CD247: variants seen among roughly 807,000 people sequenced by gnomAD.
The protein encoded by CD247 is T-cell surface glycoprotein CD3 zeta chain.
Under a neutral mutation model 30.0 loss-of-function variants are expected in CD247, and 13 were observed. The observed-to-expected ratio is 0.43, with a 90% CI of 0.28 to 0.69. The LOEUF is 0.69. CD247 is among the 30% of genes least tolerant of loss of function. CD247 has a pLI of 0.16. For missense variants in CD247, 193 were observed against 212.6 expected, an observed-to-expected ratio of 0.91 and a Z score of 0.57; for synonymous variants, 72 against 80.0, an observed-to-expected ratio of 0.90 and a Z score of 0.53.
At chr1:167,463,689 A>G (rs757226409) in intron 1 of CD247, among the ~76,000 whole-genome samples, 3 of 152,202 alleles carry the variant, frequency 2.0e-5, no homozygotes, top group Non-Finnish European at 4.4e-5. Flanking sequence ...AACTTTGAAC[A>G]TTCAAGAAAA....
intron 1 of CD247, among the ~76,000 whole-genome samples, chr1:167,492,984 T>G (rs1338140155): frequency 2.6e-5 from 4 of 152,052 alleles, no homozygotes. Context: ...GCCCTCAAAT[T>G]TTTCCTGCCT....
At chr1:167,516,756 G>A (rs1453785099) in intron 1 of CD247, among the ~76,000 whole-genome samples, 2 of 152,186 alleles carry the variant, frequency 1.3e-5, no homozygotes, top group Non-Finnish European at 2.9e-5. Flanking sequence ...TCCAGCCAAT[G>A]TGCAGTTTTC....
chr1:167,508,966 C>T (rs1187739540), intron 1 of CD247, among the ~76,000 whole-genome samples: 1 of 152,178 alleles, frequency 6.6e-6, no homozygotes, highest in East Asian at 1.9e-4. Flanking sequence ...GTTGAGCCAA[C>T]CATCTACAGG....
intron 1 of CD247, among the ~76,000 whole-genome samples, chr1:167,495,920 C>A: frequency 6.6e-6 from 1 of 152,184 alleles, no homozygotes; most frequent in East Asian, 1.9e-4. Context: ...TCCTATGCAC[C>A]TTCTCTGTGT....
intron 1 of CD247, chr1:167,459,787 G>T (rs1652909751): frequency 6.6e-6 from 1 of 152,186 alleles, no homozygotes; most frequent in Non-Finnish European, 1.5e-5. Context: ...TTTAAAGTAA[G>T]TTTATGGTAA....
rs746583178 is a variant in CD247 at position 167,490,179 on chromosome 1, G to A, written c.58+28229C>T. 3.9e-4 allele frequency among the ~76,000 whole-genome samples: 60 copies of A among 152,218 alleles called. 1 individual carries two copies. The highest frequency in any genetic ancestry group is 5.8e-4 in the African/African-American group (24 of 41,454). ...GCGGAAAGATCGGGTGCATTTGGAAGGCACGGGGCCTGGCCTCACATTTCC... is the reference window on the plus strand; with the variant it reads ...GCGGAAAGATCGGGTGCATTTGGAAAGCACGGGGCCTGGCCTCACATTTCC... On this transcript the variant is annotated intron_variant, in intron 1 of 7. Coordinates refer to ENST00000362089, the MANE Select transcript of CD247 (RefSeq NM_198053.3).
At chr1:167,496,494 C>A (rs374327072) in intron 1 of CD247, among the ~76,000 whole-genome samples, 2 of 152,170 alleles carry the variant, frequency 1.3e-5, no homozygotes, top group Non-Finnish European at 2.9e-5. Flanking sequence ...AGCTTGTCTC[C>A]GGATCCTGAA....
chr1:167,454,901 G>T (rs1262510616), intron 1 of CD247, among the ~76,000 whole-genome samples: 1 of 152,230 alleles, frequency 6.6e-6, no homozygotes, highest in Non-Finnish European at 1.5e-5. Flanking sequence ...CCGTCCTGCC[G>T]GTCCCAGGCT....
chr1:167,431,804 G>A, intron 7 of CD247, 58 bp from the exon 8 acceptor site: 3 of 1,492,040 alleles, frequency 2.0e-6, no homozygotes, highest in Non-Finnish European at 2.8e-6. Flanking sequence ...GTGGGCAGGA[G>A]CCAACCCAGA....
At chr1:167,433,464 C>A (rs148962562) in intron 6 of CD247, among the ~76,000 whole-genome samples, 1 of 152,234 alleles carries the variant, frequency 6.6e-6, no homozygotes. Flanking sequence ...AGTTCAATCA[C>A]GTGCCCGTTT....
At chr1:167,508,512 C>T (rs572730687) in intron 1 of CD247, among the ~76,000 whole-genome samples, 1 of 152,182 alleles carries the variant, frequency 6.6e-6, no homozygotes, top group Non-Finnish European at 1.5e-5. Flanking sequence ...CTTTGCCAAC[C>T]TTTTGTAGCT....
intron 1 of CD247, among the ~76,000 whole-genome samples, chr1:167,471,895 C>T (rs1009636140): frequency 3.0e-5 from 4 of 135,242 alleles, no homozygotes; most frequent in South Asian, 2.3e-4. Flanking sequence ...TGCAGTAGTG[C>T]GATCTCGGCT....
chr1:167,451,916 G>C (rs930718337), intron 1 of CD247, among the ~76,000 whole-genome samples: 4 of 152,284 alleles, frequency 2.6e-5, no homozygotes, highest in South Asian at 2.1e-4. Flanking sequence ...AGACCAGCCT[G>C]ACCAACATGG....
intron 1 of CD247, among the ~76,000 whole-genome samples, chr1:167,442,040 G>T (rs756202778): frequency 2.0e-5 from 3 of 152,160 alleles, no homozygotes; most frequent in Non-Finnish European, 4.4e-5. Context: ...GAACCTGGGA[G>T]GCAGAGGTTG....
At chr1:167,484,026 G>A (rs1654090891) in intron 1 of CD247, among the ~76,000 whole-genome samples, 2 of 152,238 alleles carry the variant, frequency 1.3e-5, no homozygotes, top group African/African-American at 2.4e-5. Flanking sequence ...GGTGCCGTGT[G>A]GGAGTCAAGG....
rs34406771 is a variant in CD247, at chr1:167,442,833, G to T, written c.59-2066C>A. ...TCTCTACAAACCTCCCACAGACCCT[G>T]CCCAGAGACCATTGATGACCCAGCC... On this transcript the variant is annotated intron_variant, in intron 1 of 7. Coordinates refer to ENST00000362089, the MANE Select transcript of CD247 (RefSeq NM_198053.3). Among the ~76,000 whole-genome samples the T allele has an allele frequency of 8.9e-3, 1,343 of 151,572 alleles. 19 individuals are homozygous for T. The highest frequency in any genetic ancestry group is 0.031 in the African/African-American group (1,284 of 41,266).
rs1651497942 is a variant in CD247, at chr1:167,435,391, C to G, written c.336+8G>C. ...TCCAAGGTCAAATGTGAGGTCTCCT[C>G]TACTCACATTGTACAGGCCTTCCTG... On this transcript the variant is annotated splice_region_variant and intron_variant, in intron 5 of 7. Coordinates refer to ENST00000362089, the MANE Select transcript of CD247 (RefSeq NM_198053.3). 2 of 1,605,180 alleles carry G rather than the reference C, an allele frequency of 1.2e-6. No individual in the cohort carries two copies. Among genetic ancestry groups the G allele is most frequent in the Non-Finnish European group, 8.5e-7 (1 of 1,171,900 alleles).
Position 167,470,516 on chromosome 1 carries a change from A to G in CD247, c.59-29749T>C, listed in dbSNP as rs932944126. ...AAAATGTTAATTGTAAAAAAAAAAA[A>G]AAAAAAAAAAAGAAACAAGGAAAAT... On this transcript the variant is annotated intron_variant, in intron 1 of 7. Transcript: ENST00000362089. Among the ~76,000 whole-genome samples, 169 of 150,564 alleles carry G rather than the reference A, an allele frequency of 1.1e-3. 2 individuals carry two copies. Among genetic ancestry groups the G allele is most frequent in the Non-Finnish European group, 1.2e-3 (78 of 67,684 alleles).
chr1:167,437,937 A>G (rs1557994039), intron 4 of CD247, among the ~76,000 whole-genome samples: 1 of 152,216 alleles, frequency 6.6e-6, no homozygotes, highest in East Asian at 1.9e-4. Context: ...ATCATTTCAT[A>G]TTATATTCAA....
Sources: allele counts gnomAD v4.1 joint callset (sites outside exome capture counted in the v4.1 genomes callset), GRCh38; gene constraint gnomAD v4.1.1; transcripts MANE v1.5; gene names NCBI Gene and HGNC (gene_info 2026-07-23, HGNC 2026-07-21).